Variants in CORO7 observed in about 807,000 individuals in gnomAD.
CORO7 encodes coronin-7.
A neutral mutation model predicts 126.6 loss-of-function variants in CORO7; 107 were observed. That is an observed-to-expected ratio of 0.85 (90% CI 0.72 to 0.99). CORO7 has a LOEUF of 0.99. Ranked by LOEUF, CORO7 falls within the 50% of genes least tolerant of loss-of-function variation. CORO7 has a pLI of 0.00. For synonymous variants in CORO7, 603 were observed against 536.8 expected (o/e 1.12, Z -1.70); for missense variants, 1,314 against 1,255.8 (o/e 1.05, Z -0.70).
intron 9 of CORO7, among the ~76,000 whole-genome samples, chr16:4,365,925 G>T (rs960645184): frequency 3.3e-5 from 5 of 152,184 alleles, no homozygotes; most frequent in Non-Finnish European, 5.9e-5. Flanking sequence ...GTGGAGAGGT[G>T]AGGCCGGAGG....
At chr16:4,413,247 C>G in intron 2 of CORO7, 61 bp downstream of exon 2, 1 of 1,502,856 alleles carries the variant, frequency 6.7e-7, no homozygotes, top group Non-Finnish European at 9.0e-7. Flanking sequence ...CTCCCCACCC[C>G]ATCTATGGTG....
At chr16:4,383,093 C>T (rs939949437) in intron 9 of CORO7, 4 of 611,792 alleles carry the variant, frequency 6.5e-6, no homozygotes, top group South Asian at 2.7e-5. Flanking sequence ...GCCCAGCTGA[C>T]GAGCCCTAAC....
At chr16:4,361,669 G>A (rs1460909406) in intron 16 of CORO7, 200 bp from the exon 17 acceptor site, 9 of 804,960 alleles carry the variant, frequency 1.1e-5, no homozygotes, top group Non-Finnish European at 1.9e-5. Flanking sequence ...AGAGTGAGGG[G>A]GCAGCAGCGT....
intron 7 of CORO7, 35 bp from the exon 8 acceptor site, chr16:4,388,666 G>C: frequency 6.3e-7 from 1 of 1,593,592 alleles, no homozygotes; most frequent in East Asian, 2.3e-5. Flanking sequence ...GAGCCCCCAG[G>C]GCCCTGCTGG....
At chr16:4,394,230 G>A (rs1411376816) in intron 7 of CORO7, among the ~76,000 whole-genome samples, 1 of 152,138 alleles carries the variant, frequency 6.6e-6, no homozygotes, top group African/African-American at 2.4e-5. Flanking sequence ...AGGATCACGA[G>A]GTCAGGAGAT....
At chr16:4,381,012 G>A (rs536956460) in intron 9 of CORO7, 5 of 1,609,108 alleles carry the variant, frequency 3.1e-6, no homozygotes, top group Non-Finnish European at 4.2e-6. Context: ...AGGGGACCAC[G>A]GTGCCCCGAG....
Position 4,364,264 on chromosome 16 carries a change from C to T in CORO7, c.1275+12G>A, listed in dbSNP as rs1002314416. 1.3e-6 allele frequency: 2 copies of T among 1,527,192 alleles called. No homozygotes were observed. Among genetic ancestry groups the T allele is most frequent in the African/African-American group, 1.4e-5 (1 of 71,468 alleles). 94.6% of individuals were successfully genotyped at this position (1,527,192 alleles called of 1,614,324 possible). ...GTCGCTGAGGGAGGATGGGGGCGGCCCTGGTACTTACGCTTGCGTCTGCAT... is the reference window on the plus strand; with the variant it reads ...GTCGCTGAGGGAGGATGGGGGCGGCTCTGGTACTTACGCTTGCGTCTGCAT... On this transcript the variant is annotated intron_variant, in intron 14 of 27. Coordinates refer to ENST00000251166, the MANE Select transcript of CORO7 (RefSeq NM_024535.5).
chr16:4,403,179 T>A (rs886897707), intron 6 of CORO7, among the ~76,000 whole-genome samples: 7 of 151,888 alleles, frequency 4.6e-5, no homozygotes, highest in Admixed American at 4.6e-4. Flanking sequence ...GGTGGGCCCA[T>A]CCAGCAGCTC....
intron 7 of CORO7, among the ~76,000 whole-genome samples, chr16:4,395,063 G>C (rs1202189021): frequency 6.6e-6 from 1 of 152,196 alleles, no homozygotes; most frequent in Non-Finnish European, 1.5e-5. Context: ...CCTGGGGGAA[G>C]CTTAGCTTCT....
At chr16:4,371,657 G>A (rs541725733) in intron 9 of CORO7, among the ~76,000 whole-genome samples, 11 of 152,232 alleles carry the variant, frequency 7.2e-5, no homozygotes, top group African/African-American at 2.2e-4. Context: ...AACCCACGAC[G>A]GGCAAGGTCT....
chr16:4,407,804 T>TGG, intron 4 of CORO7, 120 bp from the exon 5 acceptor site: 1 of 1,308,358 alleles, frequency 7.6e-7, no homozygotes, highest in Non-Finnish European at 1.0e-6. Flanking sequence ...CCACACACCT[T>TGG]GGCCTTGGGA....
Position 4,362,502 on chromosome 16 carries a change from G to T in CORO7, c.1402+110C>A. 1 of 1,440,718 alleles carries T rather than the reference G, an allele frequency of 6.9e-7. No individual in the cohort carries two copies. Among genetic ancestry groups the T allele is most frequent in the South Asian group, 1.6e-5 (1 of 63,340 alleles). 89.2% of individuals were successfully genotyped at this position (1,440,718 alleles called of 1,614,324 possible). On this transcript the variant is annotated intron_variant, in intron 15 of 27. Transcript: ENST00000251166. The surrounding 1 kb of genome is among the most constrained non-coding windows in gnomAD (Gnocchi z 5.3). ...CTGCCAGTGAGTCTGGGTGAGGGGG[G>T]TGCCCTGCATGAGGCCTGTGCTCAG...
Position 4,388,009 on chromosome 16 carries a change from G to C in CORO7, c.762C>G (p.Ser254=). 1 of 1,613,182 alleles carries C rather than the reference G, an allele frequency of 6.2e-7. No individual in the cohort carries two copies. The highest frequency in any genetic ancestry group is 8.5e-7 in the Non-Finnish European group (1 of 1,179,922). The change falls in exon 9 of 28, where the codon TCC becomes TCG. Residue 254 remains serine, a synonymous_variant. Transcript: ENST00000251166. ...DTRFFSSALA[S]LTLDTSLGCL... ...ACCCAAGCGAGGTGTCCAAGGTGAG[G>C]GAGGCCAGGGCGCTGGAGAAGAACC...
chr16:4,411,671 G>C (rs1319798016), intron 3 of CORO7, among the ~76,000 whole-genome samples: 1 of 151,822 alleles, frequency 6.6e-6, no homozygotes, highest in Non-Finnish European at 1.5e-5. Context: ...ACCCCTCCAC[G>C]ACCCTGCACA....
At chr16:4,403,476 G>A (rs1369481015) in intron 6 of CORO7, among the ~76,000 whole-genome samples, 1 of 152,170 alleles carries the variant, frequency 6.6e-6, no homozygotes, top group East Asian at 1.9e-4. Flanking sequence ...GGGAAGGAGG[G>A]GGAGTCGTTC....
At chr16:4,396,061 T>C (rs183890725) in intron 6 of CORO7, among the ~76,000 whole-genome samples, 2 of 152,002 alleles carry the variant, frequency 1.3e-5, no homozygotes, top group Non-Finnish European at 2.9e-5. Context: ...TATCCACTAC[T>C]ACAGGCTGGG....
chr16:4,412,658 G>T (rs1397431528), intron 2 of CORO7: 8 of 545,630 alleles, frequency 1.5e-5, no homozygotes, highest in South Asian at 7.5e-5. Flanking sequence ...TAGGCGAGAG[G>T]TCCTCTCTTT....
chr16:4,398,967 C>CAAAAAAAAA (rs60502616), intron 6 of CORO7, among the ~76,000 whole-genome samples: 1 of 62,076 alleles, frequency 1.6e-5, no homozygotes, highest in Admixed American at 1.8e-4. Flanking sequence ...GACTCCGTCT[C>CAAAAAAAAA]AAAAAAAAAA....
At chr16:4,355,466 A>C in intron 26 of CORO7, 94 bp from the exon 27 acceptor site, 2 of 1,375,020 alleles carry the variant, frequency 1.5e-6, no homozygotes, top group Admixed American at 2.4e-5. Context: ...CTGTGAAAAG[A>C]ACTTTTTTTT....
Sources: gnomAD v4.1 joint callset for allele counts (sites outside exome capture counted in the v4.1 genomes callset) on GRCh38, gnomAD v4.1.1 for gene constraint, Gnocchi (gnomAD v3.1) non-coding constraint, MANE v1.5 for transcripts, NCBI Gene and HGNC (gene_info 2026-07-23, HGNC 2026-07-21) for gene names.